The following AGBL3 variants were observed in gnomAD, a reference collection of about 807,000 sequenced individuals.
The protein encoded by AGBL3 is AGBL carboxypeptidase 3.
A neutral mutation model predicts 94.5 loss-of-function variants in AGBL3; 68 were observed. That is an observed-to-expected ratio of 0.72 (90% CI 0.59 to 0.88). The LOEUF (loss-of-function observed/expected upper bound fraction) is 0.88, where lower values mean the gene tolerates loss of function less well. AGBL3 is among the 40% of genes least tolerant of loss of function. The pLI, the probability that AGBL3 is intolerant of heterozygous loss-of-function variation, is 0.00. For synonymous variants in AGBL3, 354 were observed against 370.7 expected, an observed-to-expected ratio of 0.95 and a Z score of 0.52; for missense variants, 934 against 1,103.8, an observed-to-expected ratio of 0.85 and a Z score of 2.18.
At chr7:135,075,878 C>A (rs562716774) in intron 12 of AGBL3, among the ~76,000 whole-genome samples, 1 of 152,286 alleles carries the variant, frequency 6.6e-6, no homozygotes, top group Non-Finnish European at 1.5e-5. Flanking sequence ...CCCTGCTTAG[C>A]CTTCACTGAC....
chr7:135,134,893 G>A lies in AGBL3; in HGVS notation c.2395G>A (p.Ala799Thr). The change falls in exon 17 of 17, where the codon GCA becomes ACA. Residue 799 changes from alanine to threonine, a missense_variant. By Grantham distance (58) the Ala-to-Thr change is moderately conservative. This residue lies in a region of AGBL3 where 441 missense variants were observed against 518.2 expected (regional missense o/e 0.85). Coordinates refer to ENST00000436302, the MANE Select transcript of AGBL3 (RefSeq NM_178563.4). ...AAAGAAATACAGCACATCTTGGACA[G>A]CACCCAGAAATCACCCTTTTGTAAT... ...NIKKYSTSWT[A>T]PRNHPFVIQG... 1 of 1,551,166 alleles carries A rather than the reference G, an allele frequency of 6.4e-7. No individual in the cohort carries two copies. Among genetic ancestry groups the A allele is most frequent in the African/African-American group, 1.4e-5 (1 of 73,120 alleles).
chr7:135,072,653 C>T lies in AGBL3; in HGVS notation c.1909-3744C>T, dbSNP rs908180447. Among the ~76,000 whole-genome samples the T allele has an allele frequency of 2.0e-5, 3 of 151,642 alleles. No homozygotes were observed. The South Asian group carries it at 6.2e-4, about 32-fold the overall frequency. On this transcript the variant is annotated intron_variant, in intron 12 of 16. Transcript: ENST00000436302. The stretch of plus-strand genomic sequence containing the variant: ...GCTGGAAACCATCATTCTCAGCAAA[C>T]TATCACAAGGACAAAAAACCAAACA...
intron 15 of AGBL3, among the ~76,000 whole-genome samples, chr7:135,096,475 T>C (rs1271303306): frequency 1.4e-5 from 2 of 145,472 alleles, no homozygotes; most frequent in Non-Finnish European, 3.0e-5. Context: ...GAAGAACATA[T>C]ACAACTAGGA....
chr7:135,114,881 C>T (rs1334508028), intron 15 of AGBL3, among the ~76,000 whole-genome samples: 5 of 152,172 alleles, frequency 3.3e-5, no homozygotes, highest in Non-Finnish European at 5.9e-5. Context: ...AAATCAAAGT[C>T]CTTCTACTGG....
chr7:135,069,281 C>G (rs930363952), intron 12 of AGBL3, among the ~76,000 whole-genome samples: 1 of 152,114 alleles, frequency 6.6e-6, no homozygotes, highest in South Asian at 2.1e-4. Flanking sequence ...TAATGGGAGA[C>G]TTTAACACCC....
At chr7:135,055,961 A>G (rs914952447) in intron 11 of AGBL3, among the ~76,000 whole-genome samples, 3 of 152,038 alleles carry the variant, frequency 2.0e-5, no homozygotes, top group African/African-American at 7.2e-5. Flanking sequence ...TCTATCTATT[A>G]GATCTATATC....
intron 15 of AGBL3, among the ~76,000 whole-genome samples, chr7:135,096,742 TGAAAGAAAGAAA>T (rs3038284): frequency 0.019 from 1,922 of 101,174 alleles, 24 homozygotes; most frequent in African/African-American, 0.037. Flanking sequence ...AGAGAAAGAA[TGAAAGAAAGAAA>T]GAAAGAAAGA....
intron 5 of AGBL3, among the ~76,000 whole-genome samples, chr7:135,028,979 G>A (rs1351675001): frequency 1.3e-5 from 2 of 152,182 alleles, no homozygotes; most frequent in Non-Finnish European, 2.9e-5. Flanking sequence ...TATTTTAAAA[G>A]GAATCTTTTT....
In AGBL3 at chr7:135,057,933, G is replaced by A. The variant is rs555609385; in HGVS notation, c.1842-1236G>A. Among the ~76,000 whole-genome samples, 90 of 152,268 alleles carry A rather than the reference G, an allele frequency of 5.9e-4. 1 individual carries two copies. The highest frequency in any genetic ancestry group is 2.1e-3 in the African/African-American group (87 of 41,548). Reference sequence around the variant, plus strand: ...GGGTTGCCAGAAGTTCTGGGAAAACGAAGGATGAATAGATGGAACACAGAG... The same window carrying A: ...GGGTTGCCAGAAGTTCTGGGAAAACAAAGGATGAATAGATGGAACACAGAG... On this transcript the variant is annotated intron_variant, in intron 11 of 16. Coordinates refer to ENST00000436302, the MANE Select transcript of AGBL3 (RefSeq NM_178563.4).
At chr7:135,032,626 A>G (rs1431690221) in intron 5 of AGBL3, among the ~76,000 whole-genome samples, 2 of 151,994 alleles carry the variant, frequency 1.3e-5, no homozygotes, top group Non-Finnish European at 2.9e-5. Flanking sequence ...CCAAATGAGT[A>G]TTTTTAATGT....
At chr7:135,131,127 T>C (rs1585299441) in intron 16 of AGBL3, among the ~76,000 whole-genome samples, 1 of 152,144 alleles carries the variant, frequency 6.6e-6, no homozygotes, top group Non-Finnish European at 1.5e-5. Context: ...CATCTTGTAA[T>C]TAGAAAAAAA....
At chr7:135,036,951 C>G (rs1274849751) in intron 7 of AGBL3, among the ~76,000 whole-genome samples, 1 of 151,620 alleles carries the variant, frequency 6.6e-6, no homozygotes, top group Non-Finnish European at 1.5e-5. Context: ...GAGTCTCACT[C>G]TGTTGCCCAG....
intron 15 of AGBL3, chr7:135,092,357 T>C (rs1190777414): frequency 1.3e-5 from 2 of 152,236 alleles, no homozygotes; most frequent in South Asian, 2.1e-4. Context: ...AATTTTGTTG[T>C]CAACATTTTT....
At chr7:135,008,867 TA>T (rs1393600214) in intron 4 of AGBL3, among the ~76,000 whole-genome samples, 2 of 152,142 alleles carry the variant, frequency 1.3e-5, no homozygotes, top group Non-Finnish European at 2.9e-5. Context: ...AAATGGTCAA[TA>T]AACACATGAA....
At chr7:135,086,544 A>G (rs1376730309) in intron 15 of AGBL3, among the ~76,000 whole-genome samples, 7 of 151,992 alleles carry the variant, frequency 4.6e-5, no homozygotes, top group African/African-American at 1.7e-4. Context: ...GAATTTTATC[A>G]AATGCTTTTT....
intron 3 of AGBL3, 115 bp from the exon 4 acceptor site, chr7:134,993,378 T>A (rs1176455951): frequency 1.2e-6 from 1 of 838,774 alleles, no homozygotes; most frequent in Admixed American, 3.5e-5. Flanking sequence ...AAAACATTTA[T>A]AATGATACCC....
intron 15 of AGBL3, chr7:135,094,622 C>T (rs986429989): frequency 4.6e-6 from 2 of 437,214 alleles, no homozygotes; most frequent in African/African-American, 4.1e-5. Flanking sequence ...GTGAAATACA[C>T]CCAGAGCATT....
intron 15 of AGBL3, among the ~76,000 whole-genome samples, chr7:135,102,843 G>T (rs970111216): frequency 8.5e-5 from 13 of 152,050 alleles, no homozygotes; most frequent in African/African-American, 3.1e-4. Context: ...GCATGGGAGA[G>T]AATCTTTATG....
intron 13 of AGBL3, among the ~76,000 whole-genome samples, chr7:135,077,178 C>T (rs1180109320): frequency 6.6e-6 from 1 of 152,008 alleles, no homozygotes; most frequent in Non-Finnish European, 1.5e-5. Context: ...TATTCTTCCC[C>T]CTGCTGTCTG....
Sources: gnomAD v4.1 joint callset for allele counts (sites outside exome capture counted in the v4.1 genomes callset) on GRCh38, gnomAD v4.1.1 for gene constraint, gnomAD v4.1.1 regional missense constraint, MANE v1.5 for transcripts, NCBI Gene and HGNC (gene_info 2026-07-23, HGNC 2026-07-21) for gene names.